The following CEMIP variants were observed in gnomAD, a reference collection of about 807,000 sequenced individuals.
The protein encoded by CEMIP is cell migration inducing hyaluronidase 1, also known as cell migration-inducing and hyaluronan-binding protein.
In CEMIP, 105 loss-of-function variants were observed where a neutral mutation model predicts 156.9. The observed-to-expected ratio is 0.67, with a 90% CI of 0.57 to 0.79. The LOEUF is 0.79. CEMIP is among the 30% of genes least tolerant of loss of function. The pLI is 0.00. For missense variants in CEMIP, 1,457 were observed against 1,769.4 expected (o/e 0.82, Z 3.17); for synonymous variants, 676 against 668.4 (o/e 1.01, Z -0.17).
At chr15:80,872,979 G>A (rs1290973711) in intron 1 of CEMIP, among the ~76,000 whole-genome samples, 4 of 152,156 alleles carry the variant, frequency 2.6e-5, no homozygotes, top group African/African-American at 9.7e-5. Flanking sequence ...TATGGCCCAA[G>A]ATAGCTGCTG....
At position 80,906,957 on chromosome 15, in the gene CEMIP, G is replaced by T; in HGVS notation, c.1587+119G>T. On this transcript the variant is annotated intron_variant, in intron 13 of 29. Coordinates refer to ENST00000394685, the MANE Select transcript of CEMIP (RefSeq NM_001293298.2). This position sits in a 1 kb window ranked among gnomAD's most constrained non-coding sequence, Gnocchi z 4.3. ...GGGGAACAGGAGGTGGGATCAAGGG[G>T]AGGGCGCCTTCTGGAAGTTTGAGAA... 1 of 1,111,834 alleles carries T rather than the reference G, an allele frequency of 9.0e-7. No individual in the cohort carries two copies. Among genetic ancestry groups the T allele is most frequent in the South Asian group, 1.3e-5 (1 of 74,492 alleles). 68.9% of individuals were successfully genotyped at this position (1,111,834 alleles called of 1,614,324 possible). A position where few individuals can be genotyped will look rare whatever the true frequency, so the allele number is the denominator to read the frequency against.
intron 1 of CEMIP, among the ~76,000 whole-genome samples, chr15:80,843,178 A>G (rs918560419): frequency 6.6e-6 from 1 of 152,214 alleles, no homozygotes; most frequent in African/African-American, 2.4e-5. Context: ...GAGGGAAGGC[A>G]CCATCATGAT....
intron 3 of CEMIP, among the ~76,000 whole-genome samples, chr15:80,876,040 G>A (rs1488609322): frequency 1.3e-5 from 2 of 152,254 alleles, no homozygotes; most frequent in East Asian, 1.9e-4. Context: ...GGATTGTCCT[G>A]GCAGATGCGG....
At chr15:80,806,434 C>T (rs1896515353) in intron 1 of CEMIP, among the ~76,000 whole-genome samples, 1 of 152,062 alleles carries the variant, frequency 6.6e-6, no homozygotes, top group Non-Finnish European at 1.5e-5. Flanking sequence ...TCATGGTGAG[C>T]GCTCATAGAA....
intron 25 of CEMIP, among the ~76,000 whole-genome samples, chr15:80,939,437 C>G (rs1901257378): frequency 6.6e-6 from 1 of 152,198 alleles, no homozygotes; most frequent in African/African-American, 2.4e-5. Flanking sequence ...CCCCACATAC[C>G]ACTAGGAAAT....
At chr15:80,900,847 T>C (rs1899499797) in intron 12 of CEMIP, 2 of 445,930 alleles carry the variant, frequency 4.5e-6, no homozygotes, top group Middle Eastern at 6.7e-4. Flanking sequence ...CACAGCTATC[T>C]CTTAGGCTTC....
chr15:80,943,197 C>T lies in CEMIP; in HGVS notation c.3857+95C>T, dbSNP rs913741988. 1.5e-5 allele frequency: 21 copies of T among 1,378,328 alleles called. No homozygotes were observed. In the African/African-American group the frequency reaches 2.4e-4, roughly 16 times the overall value. 85.4% of individuals were successfully genotyped at this position (1,378,328 alleles called of 1,614,324 possible). On this transcript the variant is annotated intron_variant, in intron 28 of 29. Coordinates refer to ENST00000394685, the MANE Select transcript of CEMIP (RefSeq NM_001293298.2). ...TCTCACAAAGGCCCTCATCACAGAT[C>T]AGTCTGGAAAAGCTCAGGCAGTCTC...
At chr15:80,922,828 G>A (rs1031444613) in intron 17 of CEMIP, among the ~76,000 whole-genome samples, 2 of 152,180 alleles carry the variant, frequency 1.3e-5, no homozygotes, top group African/African-American at 4.8e-5. Flanking sequence ...AGAGTCATGG[G>A]GCATGGGATT....
chr15:80,941,882 G>C lies in CEMIP; in HGVS notation c.3441G>C (p.Glu1147Asp), dbSNP rs752483137. The change falls in exon 26 of 30, where the codon GAG becomes GAC. Residue 1147 changes from glutamate (E) to aspartate (D), a missense_variant. Around this residue, in one of 5 missense-constraint regions of CEMIP, gnomAD observed 798 missense variants for 980.1 expected, o/e 0.81. Coordinates refer to ENST00000394685, the MANE Select transcript of CEMIP (RefSeq NM_001293298.2). ...TCCTGAAGCTGAAAGCTCAGAACGA[G>C]AGAGAGAAGTTTGCTTTCTGCTCCA... is the stretch of plus-strand genomic sequence containing the variant. The part of the protein sequence containing the change: ...LLFLKLKAQN[E>D]REKFAFCSMK... The C allele has an allele frequency of 6.2e-7, 1 of 1,614,038 alleles. No individual in the cohort carries two copies. Among genetic ancestry groups the C allele is most frequent in the African/African-American group, 1.3e-5 (1 of 75,032 alleles).
chr15:80,786,556 C>CTGTGTGTGTGTGTG lies in CEMIP; in HGVS notation c.-176+6968_-176+6981dup, dbSNP rs3048927. 9.0e-3 allele frequency among the ~76,000 whole-genome samples: 1,264 copies of CTGTGTGTGTGTGTG among 140,694 alleles called. 11 individuals carry two copies. The highest frequency in any genetic ancestry group is 0.011 in the East Asian group (53 of 4,746). 92.3% of individuals were successfully genotyped at this position (140,694 alleles called of 152,430 possible). A position where few individuals can be genotyped will look rare whatever the true frequency, so the allele number is the denominator to read the frequency against. On this transcript the variant is annotated intron_variant, in intron 1 of 29. Coordinates refer to ENST00000394685, the MANE Select transcript of CEMIP (RefSeq NM_001293298.2). ...TGTCTTTAATATTCTGGATGTCTTG[C>CTGTGTGTGTGTGTG]TGTGTGTGTGTGTGTGTGTGTGTGT...
At chr15:80,925,344 G>A (rs1162134178) in intron 18 of CEMIP, among the ~76,000 whole-genome samples, 1 of 152,334 alleles carries the variant, frequency 6.6e-6, no homozygotes, top group East Asian at 1.9e-4. Context: ...ATGACTTTGT[G>A]GGAATGGCTG....
chr15:80,851,688 C>T (rs1353592944), intron 1 of CEMIP, among the ~76,000 whole-genome samples: 1 of 152,032 alleles, frequency 6.6e-6, no homozygotes, highest in Non-Finnish European at 1.5e-5. Flanking sequence ...CATGAGCTCA[C>T]GTTGGACACT....
intron 1 of CEMIP, among the ~76,000 whole-genome samples, chr15:80,841,138 T>G (rs1398114454): frequency 6.6e-6 from 1 of 152,198 alleles, no homozygotes; most frequent in Non-Finnish European, 1.5e-5. Context: ...ATGTGGGAAT[T>G]TGGACCTGGG....
rs1286637992 is a variant in CEMIP, at chr15:80,951,379, C to T, written c.*2455C>T. On this transcript the variant is annotated 3_prime_UTR_variant, in exon 30 of 30. Transcript: ENST00000394685. The stretch of plus-strand genomic sequence containing the variant: ...ATATCTAGGCATTTTCTTGGTAGCA[C>T]AAATTTTCTTATTGCTTAGAAAATT... 6.6e-6 allele frequency: 1 copy of T among 152,590 alleles called. No individual in the cohort carries two copies. The highest frequency in any genetic ancestry group is 1.5e-5 in the Non-Finnish European group (1 of 68,044). 9.5% of individuals were successfully genotyped at this position (152,590 alleles called of 1,614,324 possible).
chr15:80,928,521 T>G (rs1467753748), intron 19 of CEMIP, among the ~76,000 whole-genome samples: 2 of 152,076 alleles, frequency 1.3e-5, no homozygotes, highest in Admixed American at 1.3e-4. Flanking sequence ...CACCTTTCCC[T>G]GGTGCTGGTC....
In CEMIP at chr15:80,925,634, C is replaced by T. The variant is rs1265664958; in HGVS notation, c.2299C>T (p.His767Tyr). Reference protein sequence around the residue: ...LSIISARYSPHQDADPLKPRE... With the variant: ...LSIISARYSPYQDADPLKPRE... ...ATGGTTGTGCTGCAGATACAGCCCT[C>T]ACCAGGACGCCGACCCGCTGAAGCC... The change falls in exon 19 of 30, where the codon CAC (histidine) becomes TAC (tyrosine). Residue 767 changes from histidine to tyrosine, a missense_variant. Coordinates refer to ENST00000394685, the MANE Select transcript of CEMIP (RefSeq NM_001293298.2). 6.2e-7 allele frequency: 1 copy of T among 1,612,936 alleles called. No homozygotes were observed. The highest frequency in any genetic ancestry group is 8.5e-7 in the Non-Finnish European group (1 of 1,179,942).
At chr15:80,931,680 A>G (rs945705253) in intron 21 of CEMIP, among the ~76,000 whole-genome samples, 179 bp from the exon 22 acceptor site, 9 of 152,130 alleles carry the variant, frequency 5.9e-5, no homozygotes, top group Non-Finnish European at 1.2e-4. Flanking sequence ...TTAATTAATA[A>G]TGATCTGGGG....
chr15:80,831,842 C>T (rs1370579155), intron 1 of CEMIP, among the ~76,000 whole-genome samples: 1 of 152,168 alleles, frequency 6.6e-6, no homozygotes, highest in Non-Finnish European at 1.5e-5. Context: ...CAGCTGCTGG[C>T]CACTGGGCTC....
intron 1 of CEMIP, among the ~76,000 whole-genome samples, chr15:80,816,765 G>A (rs1269943694): frequency 6.6e-6 from 1 of 152,122 alleles, no homozygotes; most frequent in Non-Finnish European, 1.5e-5. Context: ...AAACGAGGGT[G>A]AGAGGACATT....
Sources: gnomAD v4.1 joint callset for allele counts (sites outside exome capture counted in the v4.1 genomes callset) on GRCh38, gnomAD v4.1.1 for gene constraint, gnomAD v4.1.1 regional missense constraint, Gnocchi (gnomAD v3.1) non-coding constraint, MANE v1.5 for transcripts, NCBI Gene and HGNC (gene_info 2026-07-23, HGNC 2026-07-21) for gene names.